Variants in LCOR observed in about 807,000 individuals in gnomAD.
LCOR encodes ligand-dependent corepressor.
In LCOR, 14 loss-of-function variants were observed where a neutral mutation model predicts 64.4. The observed-to-expected ratio is 0.22, with a 90% confidence interval of 0.14 to 0.34. The LOEUF (loss-of-function observed/expected upper bound fraction) is 0.34, where lower values mean the gene tolerates loss of function less well. LCOR is among the 10% of genes least tolerant of loss of function. The pLI, the probability that LCOR is intolerant of heterozygous loss-of-function variation, is 1.00. For synonymous variants in LCOR, 643 were observed against 642.5 expected (o/e 1.00, Z -0.01); for missense variants, 1,686 against 1,765.3 (o/e 0.96, Z 0.80).
At chr10:96,833,087 G>C (rs1845374515) in intron 1 of LCOR, 1 of 986,102 alleles carries the variant, frequency 1.0e-6, no homozygotes. Context: ...GGGCGGCGGT[G>C]GCCGGGGAGT....
Position 96,980,889 on chromosome 10 carries a change from G to A in LCOR, c.429G>A (p.Lys143=). The change falls in exon 8 of 8, where the codon AAG becomes AAA. Residue 143 remains lysine, a synonymous_variant. Coordinates refer to ENST00000421806, the MANE Select transcript of LCOR (RefSeq NM_001346516.2). The part of the protein sequence containing the change: ...FMVKLCTHHQ[K]QFIRVLNDLY... ...TCAAACTGTGTACTCATCATCAAAA[G>A]CAATTCATTCGTGTTCTGAACGACC... is the stretch of plus-strand genomic sequence containing the variant. 1 of 702,998 alleles carries A rather than the reference G, an allele frequency of 1.4e-6. No individual in the cohort carries two copies. The highest frequency in any genetic ancestry group is 2.3e-4 in the Middle Eastern group (1 of 4,370). The allele number at this position is 702,998 out of a possible 1,614,324, so 43.5% of individuals were successfully genotyped here. A position where few individuals can be genotyped will look rare whatever the true frequency, so the allele number is the denominator to read the frequency against.
At chr10:96,898,723 T>C in intron 2 of LCOR, among the ~76,000 whole-genome samples, 1 of 152,220 alleles carries the variant, frequency 6.6e-6, no homozygotes, top group East Asian at 1.9e-4. Context: ...TTTGTTTTGT[T>C]TTGTTTTACA....
intron 7 of LCOR, among the ~76,000 whole-genome samples, chr10:96,969,384 A>G (rs773857790): frequency 1.1e-4 from 16 of 152,226 alleles, no homozygotes; most frequent in Non-Finnish European, 1.8e-4. Flanking sequence ...CAAACCATTA[A>G]TTATTGTTTC....
intron 2 of LCOR, among the ~76,000 whole-genome samples, chr10:96,849,257 T>C (rs1009159713): frequency 1.3e-4 from 20 of 152,104 alleles, no homozygotes; most frequent in African/African-American, 4.6e-4. Context: ...GTATTTTTAG[T>C]AGAGACAGGG....
At chr10:96,929,475 T>C (rs149647443) in intron 4 of LCOR, among the ~76,000 whole-genome samples, 1 of 152,232 alleles carries the variant, frequency 6.6e-6, no homozygotes, top group Non-Finnish European at 1.5e-5. Flanking sequence ...TCAGCCTTCA[T>C]AGAATTGAAG....
rs1407937071 is a variant in LCOR, at chr10:96,995,047, T to C, written c.*9913T>C. The C allele has an allele frequency of 1.3e-5, 2 of 152,264 alleles. No homozygotes were observed. Among genetic ancestry groups the C allele is most frequent in the South Asian group, 2.1e-4 (1 of 4,834 alleles). The allele number at this position is 152,264 out of a possible 1,614,324, so 9.4% of individuals were successfully genotyped here. ...CCATAGGAGGCCCATGCAATTTAAC[T>C]GAAGCTCAGGTGCCACGTTGGATTT... On this transcript the variant is annotated 3_prime_UTR_variant, in exon 8 of 8. Transcript: ENST00000421806. The surrounding 1 kb of genome is among the most constrained non-coding windows in gnomAD (Gnocchi z 4.2).
At chr10:96,941,674 C>T (rs1182115831) in intron 4 of LCOR, among the ~76,000 whole-genome samples, 13 of 150,410 alleles carry the variant, frequency 8.6e-5, no homozygotes, top group African/African-American at 2.9e-4. Flanking sequence ...AGGGGCTCCT[C>T]ACTTCTCAGA....
intron 2 of LCOR, among the ~76,000 whole-genome samples, chr10:96,895,514 A>C (rs1328175339): frequency 6.6e-6 from 1 of 152,168 alleles, no homozygotes; most frequent in Non-Finnish European, 1.5e-5. Context: ...AATCTTAAAC[A>C]ATATATATCT....
rs995939168 is a variant in LCOR at position 96,988,813 on chromosome 10, G to C, written c.*3679G>C. 8.5e-5 allele frequency: 13 copies of C among 152,220 alleles called. No homozygotes were observed. Among genetic ancestry groups the C allele is most frequent in the African/African-American group, 3.1e-4 (13 of 41,456 alleles). The allele number at this position is 152,220 out of a possible 1,614,324, so 9.4% of individuals were successfully genotyped here. ...TCAAGGGTCTGCCAACTGTGGGCTGGTCGCTTGTTTGTGTAAATAAAATGT... is the reference window on the plus strand; with the variant it reads ...TCAAGGGTCTGCCAACTGTGGGCTGCTCGCTTGTTTGTGTAAATAAAATGT... On this transcript the variant is annotated 3_prime_UTR_variant, in exon 8 of 8. Coordinates refer to ENST00000421806, the MANE Select transcript of LCOR (RefSeq NM_001346516.2).
chr10:96,985,112 G>T lies in LCOR; in HGVS notation c.4652G>T (p.Arg1551Leu). Residue 1551 changes from arginine (R) to leucine (L), a missense_variant, in exon 8 of 8, where the codon CGG (arginine) becomes CTG (leucine). Arg to Leu is a moderately radical substitution (Grantham distance 102, BLOSUM62 -2). Coordinates refer to ENST00000421806, the MANE Select transcript of LCOR (RefSeq NM_001346516.2). ...AAGCTGGACTGTTCGCACAGCAAAC[G>T]GAGGCGGCTGGATGCAAAGTGATTG... ...KAKLDCSHSK[R>L]RRLDAK 1 of 1,599,424 alleles carries T rather than the reference G, an allele frequency of 6.3e-7. No homozygotes were observed. The highest frequency in any genetic ancestry group is 8.5e-7 in the Non-Finnish European group (1 of 1,175,140).
At chr10:96,926,600 G>T (rs1157955718) in intron 4 of LCOR, among the ~76,000 whole-genome samples, 3 of 152,038 alleles carry the variant, frequency 2.0e-5, no homozygotes, top group African/African-American at 7.2e-5. Flanking sequence ...CATCCAAAGA[G>T]TACATTTGGA....
At chr10:96,911,725 C>A (rs760470752) in intron 4 of LCOR, among the ~76,000 whole-genome samples, 23 of 152,094 alleles carry the variant, frequency 1.5e-4, no homozygotes, top group Non-Finnish European at 1.8e-4. Flanking sequence ...TGACTGACTG[C>A]CTGACTGCCT....
intron 4 of LCOR, among the ~76,000 whole-genome samples, chr10:96,913,164 C>G (rs973660559): frequency 2.0e-5 from 3 of 151,832 alleles, no homozygotes; most frequent in African/African-American, 7.3e-5. Flanking sequence ...TCCTTTTAAT[C>G]AGAGAACTGT....
chr10:96,915,308 G>T (rs566897899), intron 4 of LCOR, among the ~76,000 whole-genome samples: 72 of 152,258 alleles, frequency 4.7e-4, no homozygotes, highest in African/African-American at 1.5e-3. Flanking sequence ...ATCACAAGGT[G>T]AAGAGATCGA....
At chr10:96,975,812 C>T (rs1042282302) in intron 7 of LCOR, among the ~76,000 whole-genome samples, 4 of 151,712 alleles carry the variant, frequency 2.6e-5, no homozygotes, top group Non-Finnish European at 5.9e-5. Flanking sequence ...GTCAGGAGTT[C>T]GAGACCAGCC....
chr10:96,947,296 A>C (rs556589838), intron 5 of LCOR, among the ~76,000 whole-genome samples: 276 of 152,202 alleles, frequency 1.8e-3, no homozygotes, highest in Non-Finnish European at 2.9e-3. Context: ...AGTAAGCCTC[A>C]TTAAACTCCA....
intron 4 of LCOR, among the ~76,000 whole-genome samples, chr10:96,912,257 A>G (rs1846851244): frequency 6.6e-6 from 1 of 152,132 alleles, no homozygotes; most frequent in Non-Finnish European, 1.5e-5. Flanking sequence ...TAAGCTTCAA[A>G]TTTTTAAATT....
rs1203034591 is a variant in LCOR at position 96,920,517 on chromosome 10, CAGAT to C, written c.-184+12772_-184+12775del. Among the ~76,000 whole-genome samples, 417 of 115,718 alleles carry C rather than the reference CAGAT, an allele frequency of 3.6e-3. 1 individual carries two copies. Among genetic ancestry groups the C allele is most frequent in the African/African-American group, 6.8e-3 (198 of 29,198 alleles). 75.9% of individuals were successfully genotyped at this position (115,718 alleles called of 152,430 possible). A position where few individuals can be genotyped will look rare whatever the true frequency, so the allele number is the denominator to read the frequency against. On this transcript the variant is annotated intron_variant, in intron 4 of 7. Transcript: ENST00000421806. ...ATATGTGTATATATGTATGTATATT[CAGAT>C]ATATGTGTATATATGTATGTATATT...
intron 2 of LCOR, among the ~76,000 whole-genome samples, chr10:96,898,208 C>T (rs905745758): frequency 6.6e-6 from 1 of 152,014 alleles, no homozygotes; most frequent in Non-Finnish European, 1.5e-5. Context: ...CTAACTTTGC[C>T]TGGGGCTTAT....
Sources: gnomAD v4.1 joint callset for allele counts (sites outside exome capture counted in the v4.1 genomes callset) on GRCh38, gnomAD v4.1.1 for gene constraint, Gnocchi (gnomAD v3.1) non-coding constraint, MANE v1.5 for transcripts, NCBI Gene and HGNC (gene_info 2026-07-23, HGNC 2026-07-21) for gene names.